JAKMIP1: variants seen among roughly 807,000 people sequenced by gnomAD.
JAKMIP1 encodes janus kinase and microtubule interacting protein 1, also known as janus kinase and microtubule-interacting protein 1.
In JAKMIP1, 33 loss-of-function variants were observed where a neutral mutation model predicts 113.0. That is an observed-to-expected ratio of 0.29 (90% CI 0.22 to 0.39). JAKMIP1 has a LOEUF of 0.39. JAKMIP1 is among the 10% of genes least tolerant of loss of function. The probability of loss-of-function intolerance (pLI) is 1.00; values close to 1 mark genes in which losing one functional copy is unlikely to be tolerated. For missense variants in JAKMIP1, 813 were observed against 1,080.5 expected (o/e 0.75, Z 3.47); for synonymous variants, 480 against 459.9 (o/e 1.04, Z -0.56).
chr4:6,137,485 T>A lies in JAKMIP1; in HGVS notation c.-147-24488A>T, dbSNP rs1248921742. Among the ~76,000 whole-genome samples, 1 of 152,142 alleles carries A rather than the reference T, an allele frequency of 6.6e-6. No homozygotes were observed. The highest frequency in any genetic ancestry group is 2.4e-5 in the African/African-American group (1 of 41,426). On this transcript the variant is annotated intron_variant, in intron 1 of 20. Coordinates refer to ENST00000409021, the MANE Select transcript of JAKMIP1 (RefSeq NM_001099433.2). This position sits in a 1 kb window ranked among gnomAD's most constrained non-coding sequence, Gnocchi z 4.5. Reference sequence around the variant, plus strand: ...CTCACACCCTGGGTGACAGCAGACGTGCTAAGTAGGAACCCCCTTCAAGTC... The same window carrying A: ...CTCACACCCTGGGTGACAGCAGACGAGCTAAGTAGGAACCCCCTTCAAGTC...
At position 6,187,002 on chromosome 4, in the gene JAKMIP1, AT is replaced by A. The variant is rs930625858; in HGVS notation, c.-148+13250del. Among the ~76,000 whole-genome samples, 1 of 151,520 alleles carries A rather than the reference AT, an allele frequency of 6.6e-6. No individual in the cohort carries two copies. The highest frequency in any genetic ancestry group is 2.4e-5 in the African/African-American group (1 of 41,216). ...CAACACCATGCCTGGCTAATTTTGTATTTTTTTTGTAGAGACAGAGTTTCAT... is the reference window on the plus strand; with the variant it reads ...CAACACCATGCCTGGCTAATTTTGTATTTTTTTGTAGAGACAGAGTTTCAT... On this transcript the variant is annotated intron_variant, in intron 1 of 20. Transcript: ENST00000409021. This position sits in a 1 kb window ranked among gnomAD's most constrained non-coding sequence, Gnocchi z 4.2.
At position 6,069,491 on chromosome 4, in the gene JAKMIP1, G is replaced by A. The variant is rs1401556424; in HGVS notation, c.1303-4483C>T. On this transcript the variant is annotated intron_variant, in intron 8 of 20. Transcript: ENST00000409021. The surrounding 1 kb of genome is among the most constrained non-coding windows in gnomAD (Gnocchi z 4.5). ...TGGCCGGGCACAGTGGCTCATGCCT[G>A]TAATCCCAGCACTTTGGGAGGCTGA... Among the ~76,000 whole-genome samples the A allele has an allele frequency of 6.6e-6, 1 of 152,222 alleles. No homozygotes were observed. The highest frequency in any genetic ancestry group is 1.5e-5 in the Non-Finnish European group (1 of 68,046).
chr4:6,128,408 C>G (rs1164422318), intron 1 of JAKMIP1, among the ~76,000 whole-genome samples: 1 of 152,106 alleles, frequency 6.6e-6, no homozygotes, highest in Admixed American at 6.5e-5. Context: ...TAGCTGGGGC[C>G]CAGGGGCTGC....
intron 3 of JAKMIP1, among the ~76,000 whole-genome samples, chr4:6,096,783 T>C (rs1711859236): frequency 6.6e-6 from 1 of 152,244 alleles, no homozygotes; most frequent in Non-Finnish European, 1.5e-5. Context: ...TAGTGAGATA[T>C]CTTGGGGATG....
intron 3 of JAKMIP1, among the ~76,000 whole-genome samples, chr4:6,091,574 G>T (rs1722069941): frequency 6.6e-6 from 1 of 152,154 alleles, no homozygotes; most frequent in Non-Finnish European, 1.5e-5. Flanking sequence ...GGGTCACATG[G>T]CAAACAAATG....
chr4:6,037,581 C>A (rs1261366257), intron 18 of JAKMIP1, among the ~76,000 whole-genome samples: 1 of 146,012 alleles, frequency 6.8e-6, no homozygotes, highest in Non-Finnish European at 1.5e-5. Context: ...CAGAGGATAA[C>A]CCAGTAGCCC....
In JAKMIP1 at chr4:6,072,982, G is replaced by A. The variant is rs140376830; in HGVS notation, c.1302+5957C>T. 4.2e-4 allele frequency among the ~76,000 whole-genome samples: 64 copies of A among 151,564 alleles called. 3 individuals carry two copies. Among genetic ancestry groups the A allele is most frequent in the African/African-American group, 1.4e-3 (56 of 41,260 alleles). On this transcript the variant is annotated intron_variant, in intron 8 of 20. Transcript: ENST00000409021. ...CCAGCTACTCAGGAGGCTGAGGCAC[G>A]AGAATTGGTTGAACCCGGGAGGCGG...
At chr4:6,169,496 C>T (rs940615787) in intron 1 of JAKMIP1, among the ~76,000 whole-genome samples, 84 of 152,218 alleles carry the variant, frequency 5.5e-4, no homozygotes, top group African/African-American at 2.0e-3. Flanking sequence ...GAGAGCATGG[C>T]CCTGCCCACA....
In JAKMIP1 at chr4:6,164,880, C is replaced by T. The variant is rs548279283; in HGVS notation, c.-148+35373G>A. On this transcript the variant is annotated intron_variant, in intron 1 of 20. Coordinates refer to ENST00000409021, the MANE Select transcript of JAKMIP1 (RefSeq NM_001099433.2). ...TGAACCGATGAGGAGTTGCTTCTTA[C>T]GGAGTACATGAAGTGCTTTCTTGAA... Among the ~76,000 whole-genome samples the T allele has an allele frequency of 3.5e-4, 53 of 152,302 alleles. 1 individual carries two copies. In the South Asian group the frequency reaches 0.01, roughly 29 times the overall value.
In JAKMIP1 at chr4:6,089,322, T is replaced by C. The variant is rs1444177199; in HGVS notation, c.625-3693A>G. 6.6e-6 allele frequency among the ~76,000 whole-genome samples: 1 copy of C among 152,222 alleles called. No individual in the cohort carries two copies. The highest frequency in any genetic ancestry group is 6.5e-5 in the Admixed American group (1 of 15,282). ...CTAAGCTGGTTTGATGGAATTTCTG[T>C]CACTTGCGACCAAAAGAATCACAAT... On this transcript the variant is annotated intron_variant, in intron 3 of 20. Transcript: ENST00000409021. This position sits in a 1 kb window ranked among gnomAD's most constrained non-coding sequence, Gnocchi z 5.3.
rs113135937 is a variant in JAKMIP1 at position 6,194,053 on chromosome 4, T to C, written c.-148+6200A>G. Reference sequence around the variant, plus strand: ...GGCTAAGTGGAAGAAGCCAGCCACATACGATCTGGTTCTACATCTGTGAAA... The same window carrying C: ...GGCTAAGTGGAAGAAGCCAGCCACACACGATCTGGTTCTACATCTGTGAAA... On this transcript the variant is annotated intron_variant, in intron 1 of 20. Transcript: ENST00000409021. The surrounding 1 kb of genome is among the most constrained non-coding windows in gnomAD (Gnocchi z 7.4). Among the ~76,000 whole-genome samples the C allele has an allele frequency of 1.7e-3, 263 of 152,192 alleles. No homozygotes were observed. The highest frequency in any genetic ancestry group is 3.3e-3 in the Non-Finnish European group (223 of 68,014).
intron 1 of JAKMIP1, among the ~76,000 whole-genome samples, chr4:6,198,408 C>A (rs1728075508): frequency 6.6e-6 from 1 of 151,360 alleles, no homozygotes; most frequent in African/African-American, 2.4e-5. Context: ...GACATTGTGG[C>A]AGGGAGAGGG....
At chr4:6,077,210 T>C (rs984737873) in intron 8 of JAKMIP1, among the ~76,000 whole-genome samples, 3 of 152,192 alleles carry the variant, frequency 2.0e-5, no homozygotes, top group Non-Finnish European at 4.4e-5. Context: ...TGAGGTCACG[T>C]TGGAGTAGGG....
At chr4:6,174,689 G>A (rs1280474568) in intron 1 of JAKMIP1, among the ~76,000 whole-genome samples, 4 of 152,010 alleles carry the variant, frequency 2.6e-5, no homozygotes, top group African/African-American at 4.8e-5. Flanking sequence ...GCTAAAACAC[G>A]CTCCGTTACC....
intron 16 of JAKMIP1, among the ~76,000 whole-genome samples, chr4:6,043,367 G>A (rs6858798): frequency 6.6e-6 from 1 of 151,762 alleles, no homozygotes; most frequent in Non-Finnish European, 1.5e-5. Context: ...GCGGCAGCTG[G>A]TCACCCTCGC....
intron 12 of JAKMIP1, among the ~76,000 whole-genome samples, chr4:6,055,325 G>T (rs572071743): frequency 2.5e-4 from 38 of 152,292 alleles, no homozygotes; most frequent in African/African-American, 8.9e-4. Context: ...TTGCGGTGAT[G>T]GTTGTGCAAC....
At position 6,139,690 on chromosome 4, in the gene JAKMIP1, C is replaced by A. The variant is rs527459929; in HGVS notation, c.-147-26693G>T. On this transcript the variant is annotated intron_variant, in intron 1 of 20. Coordinates refer to ENST00000409021, the MANE Select transcript of JAKMIP1 (RefSeq NM_001099433.2). The surrounding 1 kb of genome is among the most constrained non-coding windows in gnomAD (Gnocchi z 5.2). ...CTGAGGCAGGAGAATCGCCTGAACC[C>A]AGGAGGCGGAGGTTGCAGTGAGCCA... Among the ~76,000 whole-genome samples, 1 of 152,030 alleles carries A rather than the reference C, an allele frequency of 6.6e-6. No individual in the cohort carries two copies. Among genetic ancestry groups the A allele is most frequent in the African/African-American group, 2.4e-5 (1 of 41,324 alleles).
intron 3 of JAKMIP1, among the ~76,000 whole-genome samples, chr4:6,098,734 G>GAA (rs1451332630): frequency 4.1e-4 from 3 of 7,404 alleles, no homozygotes; most frequent in African/African-American, 9.3e-4. Flanking sequence ...AAGAAAGAAA[G>GAA]AGAAGGAAGG....
In JAKMIP1 at chr4:6,184,042, A is replaced by G. The variant is rs190899230; in HGVS notation, c.-148+16211T>C. On this transcript the variant is annotated intron_variant, in intron 1 of 20. Coordinates refer to ENST00000409021, the MANE Select transcript of JAKMIP1 (RefSeq NM_001099433.2). The surrounding 1 kb of genome is among the most constrained non-coding windows in gnomAD (Gnocchi z 4.5). ...CTCACTGTCCTCACTGACTGACCTT[A>G]TAACTGGTAAATGTTGTCAGTTTAA... Among the ~76,000 whole-genome samples the G allele has an allele frequency of 2.5e-4, 38 of 152,362 alleles. No homozygotes were observed. The highest frequency in any genetic ancestry group is 5.1e-4 in the Non-Finnish European group (35 of 68,036).
Sources: allele counts gnomAD v4.1 joint callset (sites outside exome capture counted in the v4.1 genomes callset), GRCh38; gene constraint gnomAD v4.1.1; non-coding constraint Gnocchi (gnomAD v3.1); transcripts MANE v1.5; gene names NCBI Gene and HGNC (gene_info 2026-07-23, HGNC 2026-07-21).